NME2: variants seen among roughly 807,000 people sequenced by gnomAD.
The protein encoded by NME2 is NME/NM23 nucleoside diphosphate kinase 2.
In NME2, 18 loss-of-function variants were observed where a neutral mutation model predicts 17.8. The ratio of observed to expected loss-of-function variants is 1.01; its 90% CI spans 0.70 to 1.50. The LOEUF (loss-of-function observed/expected upper bound fraction) is 1.50. Among genes scored for constraint, NME2 ranks in the 40% most tolerant of loss-of-function variants. The pLI is 0.00. For missense variants in NME2, 161 were observed against 195.6 expected (o/e 0.82, Z 1.05); for synonymous variants, 74 against 71.4 (o/e 1.04, Z -0.19).
At chr17:51,169,030 A>T (rs2050010821) in intron 3 of NME2, among the ~76,000 whole-genome samples, 1 of 152,184 alleles carries the variant, frequency 6.6e-6, no homozygotes, top group Admixed American at 6.5e-5. Context: ...TAGATTAAAA[A>T]ACTTTATCCT....
chr17:51,168,367 G>C, intron 3 of NME2, 24 bp downstream of exon 3: 1 of 1,607,412 alleles, frequency 6.2e-7, no homozygotes. Context: ...GGGAATGAGA[G>C]AAAATGAGGA....
chr17:51,168,635 C>T (rs2049999148), intron 3 of NME2, among the ~76,000 whole-genome samples: 1 of 151,930 alleles, frequency 6.6e-6, no homozygotes, highest in African/African-American at 2.4e-5. Flanking sequence ...CGTGCCACTG[C>T]ACTCCAGCCT....
intron 3 of NME2, 126 bp from the exon 4 acceptor site, chr17:51,169,810 TG>T: frequency 1.2e-6 from 1 of 804,454 alleles, no homozygotes; most frequent in Non-Finnish European, 2.0e-6. Flanking sequence ...TACTCTCTGC[TG>T]GGGTTAGCTG....
intron 4 of NME2, 56 bp downstream of exon 4, chr17:51,170,105 C>T (rs528191255): frequency 5.3e-5 from 69 of 1,292,906 alleles, no homozygotes; most frequent in African/African-American, 5.2e-4. Flanking sequence ...TTAAAGCAGA[C>T]GTCATGGCGT....
upstream of NME2, chr17:51,166,390 G>C (rs1006233691): frequency 1.3e-5 from 2 of 152,596 alleles, no homozygotes; most frequent in African/African-American, 4.8e-5. Context: ...TGGCCACCCC[G>C]CGCTCCGCCC....
intron 2 of NME2, 152 bp downstream of exon 2, chr17:51,167,108 G>A: frequency 6.7e-7 from 1 of 1,488,412 alleles, no homozygotes; most frequent in Non-Finnish European, 9.0e-7. Flanking sequence ...GCTTGGGCCC[G>A]CCGACCCTTT....
chr17:51,166,033 G>A (rs2049928166), upstream of NME2: 1 of 152,790 alleles, frequency 6.5e-6, no homozygotes, highest in Non-Finnish European at 1.5e-5. Flanking sequence ...GCCAAGTCAA[G>A]GTTAATGCCG....
intron 3 of NME2, among the ~76,000 whole-genome samples, chr17:51,168,602 C>T (rs1166995232): frequency 1.3e-5 from 2 of 152,004 alleles, no homozygotes; most frequent in Non-Finnish European, 2.9e-5. Context: ...ACCTGGGAGG[C>T]GGAGGTTGCA....
intron 3 of NME2, among the ~76,000 whole-genome samples, chr17:51,168,984 T>C (rs41456547): frequency 6.6e-6 from 1 of 151,974 alleles, no homozygotes; most frequent in South Asian, 2.1e-4. Context: ...ACTCAATTTC[T>C]TCTGTTTGAC....
In NME2 at chr17:51,171,707, A is replaced by G. The variant is rs3515; in HGVS notation, c.*103A>G. The G allele has an allele frequency of 0.073, 62,348 of 857,986 alleles. 3,312 individuals carry two copies. Among genetic ancestry groups the G allele is most frequent in the African/African-American group, 0.22 (13,078 of 58,976 alleles). The allele number at this position is 857,986 out of a possible 1,614,324, so 53.1% of individuals were successfully genotyped here. A position where few individuals can be genotyped will look rare whatever the true frequency, so the allele number is the denominator to read the frequency against. On this transcript the variant is annotated 3_prime_UTR_variant, in exon 5 of 5. Coordinates refer to ENST00000512737, the MANE Select transcript of NME2 (RefSeq NM_002512.4). ...AGGCAACAGGATTGATCATTCTTTT[A>G]TAGAGCATATTTGCCAATAAAGCTT... is the stretch of plus-strand genomic sequence containing the variant.
In NME2 at chr17:51,171,660, G is replaced by C; in HGVS notation, c.*56G>C. The C allele has an allele frequency of 4.7e-6, 6 of 1,271,554 alleles. No individual in the cohort carries two copies. Among genetic ancestry groups the C allele is most frequent in the Non-Finnish European group, 5.7e-6 (5 of 882,068 alleles). The allele number at this position is 1,271,554 out of a possible 1,614,324, so 78.8% of individuals were successfully genotyped here. Reference sequence around the variant, plus strand: ...ACGGCGTGGTGTGTCCCTGGACACAGCTCTTCATTCCATTGACTTAGAGGC... The same window carrying C: ...ACGGCGTGGTGTGTCCCTGGACACACCTCTTCATTCCATTGACTTAGAGGC... On this transcript the variant is annotated 3_prime_UTR_variant, in exon 5 of 5. Coordinates refer to ENST00000512737, the MANE Select transcript of NME2 (RefSeq NM_002512.4).
chr17:51,166,404 G>GC (rs1376778125), upstream of NME2: 4 of 152,834 alleles, frequency 2.6e-5, no homozygotes, highest in Admixed American at 1.3e-4. Flanking sequence ...TCCGCCCTGC[G>GC]CCCCTCCTCC....
chr17:51,168,054 T>A (rs1056546135), intron 2 of NME2, 188 bp from the exon 3 acceptor site: 1 of 395,260 alleles, frequency 2.5e-6, no homozygotes, highest in Non-Finnish European at 4.5e-6. Context: ...GGCATTAGTT[T>A]CATGGTTTGG....
chr17:51,169,985 G>C lies in NME2; in HGVS notation c.277G>C (p.Glu93Gln). ...GAAGACAGGCCGAGTGATGCTTGGG[G>C]AGACCAATCCAGCAGATTCAAAGCC... Reference protein sequence around the residue: ...VVKTGRVMLGETNPADSKPGT... With the variant: ...VVKTGRVMLGQTNPADSKPGT... The change falls in exon 4 of 5, where the codon GAG (glutamate) becomes CAG (glutamine). Residue 93 changes from glutamate to glutamine, a missense_variant. Coordinates refer to ENST00000512737, the MANE Select transcript of NME2 (RefSeq NM_002512.4). 6.2e-7 allele frequency: 1 copy of C among 1,613,518 alleles called. No individual in the cohort carries two copies. The highest frequency in any genetic ancestry group is 8.5e-7 in the Non-Finnish European group (1 of 1,179,844).
intron 4 of NME2, 64 bp downstream of exon 4, chr17:51,170,113 C>T (rs2050037689): frequency 5.6e-6 from 6 of 1,075,936 alleles, no homozygotes; most frequent in African/African-American, 1.7e-5. Flanking sequence ...GACGTCATGG[C>T]GTATCCTACT....
intron 4 of NME2, among the ~76,000 whole-genome samples, chr17:51,171,091 C>T (rs2050060530): frequency 6.6e-6 from 1 of 152,142 alleles, no homozygotes; most frequent in South Asian, 2.1e-4. Flanking sequence ...CTTTGCAAAT[C>T]AGTGTTATAA....
intron 4 of NME2, among the ~76,000 whole-genome samples, chr17:51,170,718 T>G (rs548999393): frequency 7.1e-6 from 1 of 141,612 alleles, no homozygotes; most frequent in Non-Finnish European, 1.5e-5. Context: ...ACCTGGGAGG[T>G]GGAGGCTGCA....
rs1003510986 is a variant in NME2, at chr17:51,171,651, C to T, written c.*47C>T. 7.6e-7 allele frequency: 1 copy of T among 1,321,424 alleles called. No individual in the cohort carries two copies. The allele number at this position is 1,321,424 out of a possible 1,614,324, so 81.9% of individuals were successfully genotyped here. On this transcript the variant is annotated 3_prime_UTR_variant, in exon 5 of 5. Transcript: ENST00000512737. ...TCCTTCAGCACGGCGTGGTGTGTCC[C>T]TGGACACAGCTCTTCATTCCATTGA...
chr17:51,171,358 G>C, intron 4 of NME2, 129 bp from the exon 5 acceptor site: 1 of 653,392 alleles, frequency 1.5e-6, no homozygotes, highest in Non-Finnish European at 2.7e-6. Context: ...TGCTTTGGGG[G>C]TATAAATTGG....
Sources: gnomAD v4.1 joint callset for allele counts (sites outside exome capture counted in the v4.1 genomes callset) on GRCh38, gnomAD v4.1.1 for gene constraint, MANE v1.5 for transcripts, NCBI Gene and HGNC (gene_info 2026-07-23, HGNC 2026-07-21) for gene names.